Variants in CWC27 observed in about 807,000 individuals in gnomAD.
CWC27 encodes the protein CWC27 spliceosome associated cyclophilin.
CWC27 carries 47 observed loss-of-function variants against 63.6 expected under a neutral mutation model. The observed-to-expected ratio is 0.74, with a 90% CI of 0.58 to 0.94. CWC27 has a LOEUF of 0.94. Ranked by LOEUF, CWC27 falls within the 40% of genes least tolerant of loss-of-function variation. The pLI is 0.00. For synonymous variants in CWC27, 175 were observed against 179.8 expected (o/e 0.97, Z 0.22); for missense variants, 495 against 554.3 (o/e 0.89, Z 1.07).
intron 1 of CWC27, among the ~76,000 whole-genome samples, chr5:64,771,778 A>G (rs912995338): frequency 1.3e-5 from 2 of 152,224 alleles, no homozygotes; most frequent in African/African-American, 4.8e-5. Context: ...AGTAGTGATG[A>G]CCAAAGAGAA....
intron 13 of CWC27, among the ~76,000 whole-genome samples, chr5:65,002,837 C>T (rs764810892): frequency 1.3e-5 from 2 of 151,960 alleles, no homozygotes; most frequent in Non-Finnish European, 1.5e-5. Context: ...GCAATGATTC[C>T]GTATTCATTT....
At chr5:64,854,991 GTGT>G (rs1386802704) in intron 10 of CWC27, among the ~76,000 whole-genome samples, 6 of 152,084 alleles carry the variant, frequency 3.9e-5, no homozygotes, top group African/African-American at 1.4e-4. Context: ...GTCTAGAATT[GTGT>G]TGTTTACTTT....
intron 11 of CWC27, among the ~76,000 whole-genome samples, chr5:64,956,299 T>C (rs1239933876): frequency 6.6e-6 from 1 of 152,152 alleles, no homozygotes; most frequent in Non-Finnish European, 1.5e-5. Context: ...AAAATAAAGT[T>C]CAAATTTCTT....
At chr5:64,786,653 T>C (rs766166656) in intron 6 of CWC27, 26 bp downstream of exon 6, 5 of 1,365,412 alleles carry the variant, frequency 3.7e-6, no homozygotes, top group African/African-American at 1.5e-5. Flanking sequence ...AGATTTTTCT[T>C]CAGCTTGAAA....
chr5:64,944,393 C>G (rs1748547856), intron 11 of CWC27, among the ~76,000 whole-genome samples: 1 of 152,244 alleles, frequency 6.6e-6, no homozygotes, highest in South Asian at 2.1e-4. Flanking sequence ...CCAGATTTTA[C>G]ACTGTTGGTC....
rs186938483 is a variant in CWC27, at chr5:64,781,021, A to G, written c.140-900A>G. On this transcript the variant is annotated intron_variant, in intron 2 of 13. Transcript: ENST00000381070. ...AAATTCTAATTCCTGCTTCCCACTCAATTTGTCGCTTATACTTTGCCTCAC... is the reference window on the plus strand; with the variant it reads ...AAATTCTAATTCCTGCTTCCCACTCGATTTGTCGCTTATACTTTGCCTCAC... 2.0e-5 allele frequency among the ~76,000 whole-genome samples: 3 copies of G among 152,252 alleles called. No homozygotes were observed. In the East Asian group the frequency reaches 5.8e-4, roughly 29 times the overall value.
intron 11 of CWC27, among the ~76,000 whole-genome samples, 189 bp downstream of exon 11, chr5:64,885,735 G>GTGTT (rs1256578530): frequency 3.5e-5 from 5 of 142,552 alleles, no homozygotes; most frequent in African/African-American, 1.5e-4. Context: ...GTGTGTGTGT[G>GTGTT]TGTTTTTAAT....
intron 10 of CWC27, among the ~76,000 whole-genome samples, chr5:64,858,030 C>T (rs1479781320): frequency 7.5e-6 from 1 of 132,762 alleles, no homozygotes; most frequent in Non-Finnish European, 1.6e-5. Context: ...CCCAGCTACT[C>T]GGGAGGCTGA....
intron 11 of CWC27, among the ~76,000 whole-genome samples, chr5:64,924,956 G>GACACACACACAC (rs36083384): frequency 1.8e-3 from 266 of 145,554 alleles, no homozygotes; most frequent in African/African-American, 5.2e-3. Flanking sequence ...GTCTTTCTTA[G>GACACACACACAC]ACACACACAC....
intron 10 of CWC27, among the ~76,000 whole-genome samples, chr5:64,866,693 C>T (rs796312802): frequency 1.4e-4 from 22 of 152,048 alleles, no homozygotes; most frequent in African/African-American, 5.3e-4. Context: ...TTAATTTCCA[C>T]GTATTTGTGA....
intron 11 of CWC27, among the ~76,000 whole-genome samples, chr5:64,924,324 T>C (rs915778777): frequency 1.3e-5 from 2 of 152,234 alleles, no homozygotes; most frequent in East Asian, 1.9e-4. Flanking sequence ...ATTGATTTCA[T>C]GGTGCAAGAA....
At chr5:64,771,214 T>C (rs1743242541) in intron 1 of CWC27, among the ~76,000 whole-genome samples, 2 of 152,128 alleles carry the variant, frequency 1.3e-5, no homozygotes, top group Non-Finnish European at 2.9e-5. Context: ...AGGTTAAGAG[T>C]GTGGACAAAA....
chr5:64,835,202 T>A (rs1745629839), intron 10 of CWC27, among the ~76,000 whole-genome samples: 4 of 151,850 alleles, frequency 2.6e-5, no homozygotes, highest in Non-Finnish European at 5.9e-5. Context: ...CAAAAATTAT[T>A]CACTGTGCAT....
intron 10 of CWC27, among the ~76,000 whole-genome samples, chr5:64,863,607 A>G (rs1303287593): frequency 1.3e-5 from 2 of 151,882 alleles, no homozygotes; most frequent in African/African-American, 2.4e-5. Context: ...TGATCCTTCC[A>G]CGTCAGCCTC....
At chr5:64,916,885 T>TTAGTATTAG (rs777253798) in intron 11 of CWC27, among the ~76,000 whole-genome samples, 2,187 of 144,036 alleles carry the variant, frequency 0.015, 57 homozygotes, top group African/African-American at 0.054. Context: ...AGTAGTAGTA[T>TTAGTATTAG]TAGTAGTAGT....
At position 64,801,308 on chromosome 5, in the gene CWC27, A is replaced by C. The variant is rs1402221194; in HGVS notation, c.756A>C (p.Lys252Asn). The part of the protein sequence containing the change: ...LSSVPVVESE[K>N]GDAPDLVDDG... ...TTGCTTATTTTTTTTATAGTGAAAA[A>C]GGTGATGCACCAGATTTAGTTGATG... Residue 252 changes from lysine to asparagine, a missense_variant, in exon 9 of 14, where the codon AAA (lysine) becomes AAC (asparagine). Lys to Asn is a moderately conservative substitution (Grantham distance 94, BLOSUM62 0). Transcript: ENST00000381070. The C allele has an allele frequency of 7.1e-7, 1 of 1,413,500 alleles. No homozygotes were observed. The highest frequency in any genetic ancestry group is 2.3e-5 in the Admixed American group (1 of 42,584). The allele number at this position is 1,413,500 out of a possible 1,614,324, so 87.6% of individuals were successfully genotyped here.
chr5:64,904,532 G>A (rs2112368387), intron 11 of CWC27, among the ~76,000 whole-genome samples: 1 of 152,328 alleles, frequency 6.6e-6, no homozygotes, highest in African/African-American at 2.4e-5. Flanking sequence ...TTATGATATG[G>A]TATCTGGGTT....
chr5:64,868,874 T>TATCATCTTTGCATATACCCTTCCCTC (rs1306229725), intron 10 of CWC27, among the ~76,000 whole-genome samples: 1 of 152,062 alleles, frequency 6.6e-6, no homozygotes, highest in African/African-American at 2.4e-5. Flanking sequence ...TTTCTTACCT[T>TATCATCTTTGCATATACCCTTCCCTC]ATCATCTTTG....
rs752016886 is a variant in CWC27, at chr5:64,971,780, C to T, written c.1120C>T (p.Gln374Ter). The change falls in exon 12 of 14, where the codon CAG (glutamine) becomes TAG (stop). Residue 374 changes from glutamine to a stop codon, truncating the protein, a stop_gained. Transcript: ENST00000381070. LOFTEE classifies it high-confidence loss of function. ...AAAGTATGAAGCTTTGAGGAAGCAA[C>T]AGTCAAAGAAGGGAACTTCCCGGGA... is the stretch of plus-strand genomic sequence containing the variant. Reference protein sequence around the residue: ...KQKYEALRKQQSKKGTSREDQ... With the variant: ...KQKYEALRKQ 5 of 1,611,128 alleles carry T rather than the reference C, an allele frequency of 3.1e-6. No individual in the cohort carries two copies. The highest frequency in any genetic ancestry group is 4.2e-6 in the Non-Finnish European group (5 of 1,178,842).
Sources: gnomAD v4.1 joint callset for allele counts (sites outside exome capture counted in the v4.1 genomes callset) on GRCh38, gnomAD v4.1.1 for gene constraint, MANE v1.5 for transcripts, NCBI Gene and HGNC (gene_info 2026-07-23, HGNC 2026-07-21) for gene names.